Variants in KLHL5 observed in about 807,000 individuals in gnomAD.
The protein encoded by KLHL5 is kelch like family member 5.
KLHL5 carries 48 observed loss-of-function variants against 77.7 expected under a neutral mutation model. The ratio of observed to expected loss-of-function variants is 0.62; its 90% CI spans 0.49 to 0.79. KLHL5 has a LOEUF of 0.79. Among genes scored for constraint, KLHL5 ranks in the 30% least tolerant of loss-of-function variants. KLHL5 has a pLI of 0.00. For synonymous variants in KLHL5, 260 were observed against 297.0 expected (o/e 0.88, Z 1.28); for missense variants, 723 against 859.7 (o/e 0.84, Z 1.99).
At chr4:39,134,761 G>T in the KLHL5 span, among the ~76,000 whole-genome samples, 11 of 152,228 alleles carry the variant, frequency 7.2e-5, no homozygotes, top group Non-Finnish European at 1.6e-4. Flanking sequence ...GGGCATTTTA[G>T]AAAGGATGGC....
At chr4:39,136,039 T>A in the KLHL5 span, among the ~76,000 whole-genome samples, 4 of 146,572 alleles carry the variant, frequency 2.7e-5, no homozygotes, top group African/African-American at 5.3e-5. Context: ...TGTGTGTGTG[T>A]GAGATCGCCA....
At chr4:39,129,536 A>G (rs1723719786), downstream of KLHL5, among the ~76,000 whole-genome samples, 1 of 152,194 alleles carries the variant, frequency 6.6e-6, no homozygotes, top group African/African-American at 2.4e-5. This position sits in a 1 kb window ranked among gnomAD's most constrained non-coding sequence, Gnocchi z 4.2. Flanking sequence ...TTAGGGGGAT[A>G]CAAGTGTAGG....
chr4:39,099,757 G>A (rs186252009), intron 6 of KLHL5, among the ~76,000 whole-genome samples: 12 of 152,174 alleles, frequency 7.9e-5, no homozygotes, highest in African/African-American at 2.4e-4. Context: ...ATAACATAGC[G>A]CTATTTATTT....
intron 5 of KLHL5, among the ~76,000 whole-genome samples, chr4:39,088,451 A>G (rs1466214754): frequency 6.6e-6 from 1 of 152,150 alleles, no homozygotes; most frequent in African/African-American, 2.4e-5. Context: ...AGTTTTTGCT[A>G]TTTGGCTAAC....
chr4:39,127,610 T>G (rs1294728316), downstream of KLHL5, among the ~76,000 whole-genome samples: 1 of 151,952 alleles, frequency 6.6e-6, no homozygotes, highest in Non-Finnish European at 1.5e-5. Context: ...TGCACCACCA[T>G]GTTTGGCTAA....
intron 7 of KLHL5, among the ~76,000 whole-genome samples, chr4:39,107,340 G>C (rs1251829998): frequency 6.6e-6 from 1 of 150,926 alleles, no homozygotes; most frequent in Non-Finnish European, 1.5e-5. Flanking sequence ...AAGTCACCGT[G>C]CCTGGGCAGT....
Position 39,124,842 on chromosome 4 carries a change from T to G in KLHL5, c.*3776T>G, listed in dbSNP as rs1347524263. 9.8e-6 allele frequency among the ~76,000 whole-genome samples: 1 copy of G among 102,158 alleles called. No homozygotes were observed. The allele number at this position is 102,158 out of a possible 152,430, so 67.0% of individuals were successfully genotyped here. On this transcript the variant is annotated 3_prime_UTR_variant, in exon 11 of 11. Transcript: ENST00000504108. ...AAAAAAAAAATCAAAATTAAAAGCT[T>G]CTACATATCAAGGGACACTATGAAG...
chr4:39,099,152 G>C (rs1266013588), intron 6 of KLHL5, among the ~76,000 whole-genome samples: 3 of 152,082 alleles, frequency 2.0e-5, no homozygotes, highest in Non-Finnish European at 4.4e-5. Context: ...GCCAGGCATG[G>C]TGGCAGGTGC....
At chr4:39,138,535 A>G in the KLHL5 span, among the ~76,000 whole-genome samples, 2 of 152,162 alleles carry the variant, frequency 1.3e-5, no homozygotes, top group African/African-American at 4.8e-5. Flanking sequence ...TCTCACTTAT[A>G]AGTAGGAGCT....
rs1723509101 is a variant in KLHL5 at position 39,125,853 on chromosome 4, T to C, written c.*4787T>C. On this transcript the variant is annotated 3_prime_UTR_variant, in exon 11 of 11. Coordinates refer to ENST00000504108, the MANE Select transcript of KLHL5 (RefSeq NM_015990.5). The stretch of plus-strand genomic sequence containing the variant: ...CTTTACCATAATTTTTAAAAAGCTT[T>C]ATTAGCTACATTATGTTATGATACT... 6.6e-6 allele frequency among the ~76,000 whole-genome samples: 1 copy of C among 152,194 alleles called. No individual in the cohort carries two copies.
chr4:39,120,438 T>TG (rs1723136475), intron 10 of KLHL5, among the ~76,000 whole-genome samples: 1 of 152,176 alleles, frequency 6.6e-6, no homozygotes, highest in Non-Finnish European at 1.5e-5. Flanking sequence ...GGGAGTTGGA[T>TG]GGGTAGCATT....
chr4:39,062,963 A>G lies in KLHL5; in HGVS notation c.311A>G (p.His104Arg), dbSNP rs781641231. The G allele has an allele frequency of 1.9e-6, 3 of 1,614,030 alleles. No homozygotes were observed. The highest frequency in any genetic ancestry group is 2.7e-5 in the African/African-American group (2 of 74,928). Residue 104 changes from histidine to arginine, a missense_variant, in exon 1 of 11, where the codon CAT (histidine) becomes CGT (arginine). Transcript: ENST00000504108. ...ACAGCAGAAGATTGTGGCGGTGCAC[A>G]TTGGCTGGATAGACCAGAAGTGGAT... ...EFTAEDCGGA[H>R]WLDRPEVDDG... is the part of the protein sequence containing the mutation.
upstream of KLHL5, among the ~76,000 whole-genome samples, chr4:39,060,869 T>C (rs1717358008): frequency 6.6e-6 from 1 of 152,196 alleles, no homozygotes; most frequent in East Asian, 1.9e-4. Context: ...TTCAATAATG[T>C]CTTTGCTGCT....
chr4:39,111,818 ATAT>A (rs1263123142), intron 8 of KLHL5, among the ~76,000 whole-genome samples: 13 of 152,178 alleles, frequency 8.5e-5, no homozygotes, highest in African/African-American at 3.1e-4. Context: ...GCTGTTTAAG[ATAT>A]GGTCATCTTA....
chr4:39,089,249 A>T (rs893219186), intron 5 of KLHL5, among the ~76,000 whole-genome samples: 2 of 152,210 alleles, frequency 1.3e-5, no homozygotes, highest in Non-Finnish European at 2.9e-5. Flanking sequence ...TGGTGAAGGT[A>T]TACAAAAAGA....
At chr4:39,049,103 C>G (rs1344117755) in intron 1 of KLHL5, among the ~76,000 whole-genome samples, 1 of 152,144 alleles carries the variant, frequency 6.6e-6, no homozygotes, top group African/African-American at 2.4e-5. Context: ...TGTGAACGGT[C>G]TTAATGACTA....
rs946716362 is a variant in KLHL5 at position 39,125,367 on chromosome 4, G to A, written c.*4301G>A. Among the ~76,000 whole-genome samples, 1 of 152,128 alleles carries A rather than the reference G, an allele frequency of 6.6e-6. No individual in the cohort carries two copies. Among genetic ancestry groups the A allele is most frequent in the African/African-American group, 2.4e-5 (1 of 41,414 alleles). On this transcript the variant is annotated 3_prime_UTR_variant, in exon 11 of 11. Transcript: ENST00000504108. The stretch of plus-strand genomic sequence containing the variant: ...ATATACTGAAAAGAACTGAAAACAG[G>A]TGTTCAAGCAAAAACTTTCACGCAA...
rs757879085 is a variant in KLHL5 at position 39,086,732 on chromosome 4, T to C, written c.1113+5T>C. On this transcript the variant is annotated splice_donor_5th_base_variant and intron_variant, in intron 5 of 10. Coordinates refer to ENST00000504108, the MANE Select transcript of KLHL5 (RefSeq NM_015990.5). ...CTACCTCTTCTTGCACCACAGGTAATTAATAGGCACTTGTTTATAGGAATT... is the reference window on the plus strand; with the variant it reads ...CTACCTCTTCTTGCACCACAGGTAACTAATAGGCACTTGTTTATAGGAATT... The C allele has an allele frequency of 6.9e-6, 11 of 1,597,922 alleles. No individual in the cohort carries two copies. Among genetic ancestry groups the C allele is most frequent in the Non-Finnish European group, 9.4e-6 (11 of 1,165,480 alleles).
At chr4:39,102,704 T>A (rs1721693446) in intron 6 of KLHL5, among the ~76,000 whole-genome samples, 1 of 152,186 alleles carries the variant, frequency 6.6e-6, no homozygotes, top group South Asian at 2.1e-4. Context: ...AGTTTTCAAA[T>A]TTTCAAAGCA....
Sources: gnomAD v4.1 joint callset for allele counts (sites outside exome capture counted in the v4.1 genomes callset) on GRCh38, gnomAD v4.1.1 for gene constraint, Gnocchi (gnomAD v3.1) non-coding constraint, MANE v1.5 for transcripts, NCBI Gene and HGNC (gene_info 2026-07-23, HGNC 2026-07-21) for gene names.